WWC1: variants seen among roughly 807,000 people sequenced by gnomAD.
WWC1 encodes the protein WW and C2 domain containing 1.
In WWC1, 55 loss-of-function variants were observed where a neutral mutation model predicts 138.4. That is an observed-to-expected ratio of 0.40 (90% CI 0.32 to 0.50). The LOEUF (loss-of-function observed/expected upper bound fraction) is 0.50. Ranked by LOEUF, WWC1 falls within the 20% of genes least tolerant of loss-of-function variation. WWC1 has a pLI of 0.72. For synonymous variants in WWC1, 524 were observed against 564.9 expected (o/e 0.93, Z 1.03); for missense variants, 1,226 against 1,420.4 (o/e 0.86, Z 2.20).
chr5:168,444,629 A>ACCTAGGCCCAGCAATGAGAT, intron 17 of WWC1, 44 bp downstream of exon 17: 1 of 1,600,568 alleles, frequency 6.2e-7, no homozygotes, highest in Non-Finnish European at 8.5e-7. Flanking sequence ...CCCTGCCTGG[A>ACCTAGGCCCAGCAATGAGAT]CCTAGGCCCA....
intron 1 of WWC1, among the ~76,000 whole-genome samples, chr5:168,352,154 T>TTGG (rs1775018343): frequency 2.0e-5 from 3 of 152,188 alleles, no homozygotes; most frequent in Admixed American, 2.0e-4. Flanking sequence ...GAGTCTTGAA[T>TTGG]ACTGTCCACA....
intron 1 of WWC1, among the ~76,000 whole-genome samples, chr5:168,322,722 C>G (rs376044345): frequency 1.5e-4 from 23 of 152,172 alleles, no homozygotes; most frequent in Admixed American, 1.4e-3. Flanking sequence ...AGAGACAGGT[C>G]GGTCTGGACC....
At chr5:168,321,620 C>T (rs923162494) in intron 1 of WWC1, among the ~76,000 whole-genome samples, 1 of 151,838 alleles carries the variant, frequency 6.6e-6, no homozygotes, top group South Asian at 2.1e-4. Context: ...CCACTGCAAC[C>T]TCTGCCTCCT....
At chr5:168,339,868 TCTCTCTCC>T (rs1233946772) in intron 1 of WWC1, among the ~76,000 whole-genome samples, 7 of 144,480 alleles carry the variant, frequency 4.8e-5, no homozygotes, top group South Asian at 4.5e-4. Flanking sequence ...TTTCTCTCTC[TCTCTCTCC>T]CTCTCTCCCT....
chr5:168,470,215 T>G lies in WWC1; in HGVS notation c.*1198T>G, dbSNP rs1757614349. The G allele has an allele frequency of 6.6e-6, 1 of 152,238 alleles. No individual in the cohort carries two copies. The highest frequency in any genetic ancestry group is 2.4e-5 in the African/African-American group (1 of 41,428). 9.4% of individuals were successfully genotyped at this position (152,238 alleles called of 1,614,324 possible). ...CAACAGCCACAAATCTCTTCCTCCT[T>G]CCTCTCTGACATTACCCTGTGCAAC... On this transcript the variant is annotated 3_prime_UTR_variant, in exon 23 of 23. Transcript: ENST00000265293.
chr5:168,445,343 G>A (rs774722733), intron 17 of WWC1, among the ~76,000 whole-genome samples: 4 of 151,480 alleles, frequency 2.6e-5, no homozygotes, highest in South Asian at 2.1e-4. Flanking sequence ...CCAGCTATTC[G>A]GGAGGCTGAG....
intron 11 of WWC1, among the ~76,000 whole-genome samples, chr5:168,426,594 C>A (rs1381620251): frequency 6.6e-6 from 1 of 152,224 alleles, no homozygotes; most frequent in Non-Finnish European, 1.5e-5. Flanking sequence ...ACAAATTAAT[C>A]TCCTTAAGTG....
At chr5:168,369,610 C>G (rs1776581870) in intron 1 of WWC1, among the ~76,000 whole-genome samples, 1 of 152,190 alleles carries the variant, frequency 6.6e-6, no homozygotes, top group Non-Finnish European at 1.5e-5. Flanking sequence ...CCTCTGGCCT[C>G]ATCCTCATGG....
Position 168,397,746 on chromosome 5 carries a change from C to A in WWC1, c.456C>A (p.Ser152Arg), listed in dbSNP as rs1472104310. The change falls in exon 4 of 23, where the codon AGC becomes AGA. Residue 152 changes from serine (S) to arginine (R), a missense_variant. Ser to Arg is a moderately radical substitution (Grantham distance 110). Around this residue, in one of 3 missense-constraint regions of WWC1, gnomAD observed 1,016 missense variants for 1,153.9 expected, o/e 0.88. Transcript: ENST00000265293. ...QVSLVSGSSS[S>R]SKYDPEILKA... is the part of the protein sequence containing the mutation. Reference sequence around the variant, plus strand: ...CAGTGGTCTCTGGTTCATCATCCAGCTCCAAGTATGACCCTGAGATCCTGA... The same window carrying A: ...CAGTGGTCTCTGGTTCATCATCCAGATCCAAGTATGACCCTGAGATCCTGA... 6.2e-7 allele frequency: 1 copy of A among 1,613,930 alleles called. No individual in the cohort carries two copies. The highest frequency in any genetic ancestry group is 8.5e-7 in the Non-Finnish European group (1 of 1,179,970).
At chr5:168,415,540 C>T (rs779492002) in intron 9 of WWC1, 6 of 152,270 alleles carry the variant, frequency 3.9e-5, no homozygotes, top group Non-Finnish European at 8.8e-5. Flanking sequence ...TTACAAAGCT[C>T]TCCAGCTTCA....
At chr5:168,397,883 C>G in intron 4 of WWC1, 83 bp downstream of exon 4, 1 of 1,449,292 alleles carries the variant, frequency 6.9e-7, no homozygotes, top group Non-Finnish European at 9.7e-7. Context: ...AAGACCAGAA[C>G]AGATGCTCCA....
intron 1 of WWC1, among the ~76,000 whole-genome samples, chr5:168,325,123 A>G (rs1772423536): frequency 6.6e-6 from 1 of 152,188 alleles, no homozygotes; most frequent in Non-Finnish European, 1.5e-5. Context: ...GCTAACCTCC[A>G]TGGCCTCATT....
chr5:168,385,624 C>A (rs1431177676), intron 3 of WWC1, among the ~76,000 whole-genome samples: 2 of 152,184 alleles, frequency 1.3e-5, no homozygotes, highest in African/African-American at 4.8e-5. Context: ...CATTTGTAAT[C>A]ATCTCAGAAT....
At chr5:168,418,031 T>C (rs1054488876) in intron 9 of WWC1, among the ~76,000 whole-genome samples, 1 of 152,228 alleles carries the variant, frequency 6.6e-6, no homozygotes, top group Non-Finnish European at 1.5e-5. Context: ...GTATCTTTAT[T>C]TTTAGTGTCT....
At chr5:168,446,232 TAAAAAAAAAAAA>T (rs60746695) in intron 17 of WWC1, among the ~76,000 whole-genome samples, 5 of 58,768 alleles carry the variant, frequency 8.5e-5, no homozygotes, top group South Asian at 9.2e-4. Flanking sequence ...CTCCCATTAT[TAAAAAAAAAAAA>T]AAAAAAAAAA....
Position 168,406,194 on chromosome 5 carries a change from C to G in WWC1, c.591-4C>G. ...GCTGACCTTTCCCATTAACTGTCTC[C>G]TAGAATCGATAAGAAAATGTCTGAT... On this transcript the variant is annotated splice_polypyrimidine_tract_variant and splice_region_variant and intron_variant, in intron 5 of 22. Coordinates refer to ENST00000265293, the MANE Select transcript of WWC1 (RefSeq NM_015238.3). 1.9e-6 allele frequency: 3 copies of G among 1,613,592 alleles called. No individual in the cohort carries two copies. The highest frequency in any genetic ancestry group is 2.5e-6 in the Non-Finnish European group (3 of 1,179,666).
intron 13 of WWC1, among the ~76,000 whole-genome samples, chr5:168,429,677 T>C (rs932846135): frequency 7.2e-5 from 11 of 152,148 alleles, no homozygotes; most frequent in Non-Finnish European, 1.5e-4. Flanking sequence ...CTCACACCTT[T>C]AATCCTGACA....
intron 1 of WWC1, among the ~76,000 whole-genome samples, chr5:168,318,522 T>G (rs1771794536): frequency 6.6e-6 from 1 of 152,000 alleles, no homozygotes; most frequent in Non-Finnish European, 1.5e-5. Flanking sequence ...CTCATATAAG[T>G]GAAATCTTAG....
intron 2 of WWC1, 25 bp downstream of exon 2, chr5:168,371,558 C>T (rs1257563898): frequency 6.4e-7 from 1 of 1,566,802 alleles, no homozygotes; most frequent in Non-Finnish European, 8.8e-7. Flanking sequence ...GTCCTCCCTT[C>T]CCTGTGCCCT....
Sources: gnomAD v4.1 joint callset for allele counts (sites outside exome capture counted in the v4.1 genomes callset) on GRCh38, gnomAD v4.1.1 for gene constraint, gnomAD v4.1.1 regional missense constraint, MANE v1.5 for transcripts, NCBI Gene and HGNC (gene_info 2026-07-23, HGNC 2026-07-21) for gene names.